Variants in SVOPL observed in about 807,000 individuals in gnomAD.
SVOPL encodes the protein SVOP like, also known as putative transporter SVOPL.
SVOPL carries 60 observed loss-of-function variants against 61.0 expected under a neutral mutation model. The observed-to-expected ratio is 0.98, with a 90% CI of 0.80 to 1.22. SVOPL has a LOEUF of 1.22. Among genes scored for constraint, SVOPL ranks in the 50% most tolerant of loss-of-function variants. The probability of loss-of-function intolerance (pLI) is 0.00; values close to 1 mark genes in which losing one functional copy is unlikely to be tolerated. For missense variants in SVOPL, 662 were observed against 643.9 expected, an observed-to-expected ratio of 1.03 and a Z score of -0.30; for synonymous variants, 279 against 250.0, an observed-to-expected ratio of 1.12 and a Z score of -1.09.
chr7:138,700,715 T>TGGATGGATGGCA (rs373341155), intron 1 of SVOPL, among the ~76,000 whole-genome samples: 2,156 of 151,054 alleles, frequency 0.014, 30 homozygotes, highest in Middle Eastern at 0.034. Context: ...GATGGATGGA[T>TGGATGGATGGCA]GGCAGATGGA....
chr7:138,631,960 T>TCACACACACACACACACACACACACACA (rs756332176), intron 9 of SVOPL, among the ~76,000 whole-genome samples: 141 of 147,058 alleles, frequency 9.6e-4, no homozygotes, highest in African/African-American at 3.2e-3. Context: ...TGCTCTGATA[T>TCACACACACACACACACACACACACACA]CACACACACA....
chr7:138,613,425 G>A (rs79970113), intron 14 of SVOPL, among the ~76,000 whole-genome samples: 3,811 of 152,098 alleles, frequency 0.025, 162 homozygotes, highest in African/African-American at 0.085. Context: ...TCCTTAATAT[G>A]CCTGGAAGGC....
rs762982090 is a variant in SVOPL, at chr7:138,682,968, C to CAAAA, written c.-34-3893_-34-3890dup. Among the ~76,000 whole-genome samples the CAAAA allele has an allele frequency of 1.3e-3, 128 of 95,404 alleles. 1 individual carries two copies. Among genetic ancestry groups the CAAAA allele is most frequent in the African/African-American group, 4.1e-3 (110 of 27,122 alleles). The allele number at this position is 95,404 out of a possible 152,430, so 62.6% of individuals were successfully genotyped here. Reference sequence around the variant, plus strand: ...GGGCGACAAGAGCAAAACTCCATCTCAAAAAAAAAAAAAAGAAAAAAAAAA... The same window carrying CAAAA: ...GGGCGACAAGAGCAAAACTCCATCTCAAAAAAAAAAAAAAAAAAGAAAAAAAAAA... On this transcript the variant is annotated intron_variant, in intron 1 of 15. Transcript: ENST00000674285.
rs374511170 is a variant in SVOPL, at chr7:138,649,140, A to G, written c.535-3T>C. On this transcript the variant is annotated splice_polypyrimidine_tract_variant and splice_region_variant and intron_variant, in intron 7 of 15. Coordinates refer to ENST00000674285, the MANE Select transcript of SVOPL (RefSeq NM_001139456.2). Reference sequence around the variant, plus strand: ...AGGGAGCCCGCAAGCCAGAACACCTAGGAAGAGAGAAGTCCAGGATTAAAG... The same window carrying G: ...AGGGAGCCCGCAAGCCAGAACACCTGGGAAGAGAGAAGTCCAGGATTAAAG... The G allele has an allele frequency of 6.2e-7, 1 of 1,607,848 alleles. No homozygotes were observed. Among genetic ancestry groups the G allele is most frequent in the Non-Finnish European group, 8.5e-7 (1 of 1,177,626 alleles).
rs565577812 is a variant in SVOPL, at chr7:138,689,262, G to C, written c.-34-10183C>G. On this transcript the variant is annotated intron_variant, in intron 1 of 15. Coordinates refer to ENST00000674285, the MANE Select transcript of SVOPL (RefSeq NM_001139456.2). ...GAGTGCTGAATTTTTGCTGCACATG[G>C]TTAAAAATGCAGAGAGCAATGCAGA... 3.7e-5 allele frequency: 58 copies of C among 1,574,670 alleles called. 1 individual carries two copies. In the South Asian group the frequency reaches 6.4e-4, roughly 17 times the overall value.
At chr7:138,640,343 T>C (rs1800722112) in intron 9 of SVOPL, among the ~76,000 whole-genome samples, 1 of 152,030 alleles carries the variant, frequency 6.6e-6, no homozygotes, top group Admixed American at 6.6e-5. Flanking sequence ...GCATTTCTAC[T>C]GCCTCAGCCT....
intron 1 of SVOPL, among the ~76,000 whole-genome samples, chr7:138,690,069 A>G (rs900305870): frequency 6.6e-6 from 1 of 152,128 alleles, no homozygotes; most frequent in Non-Finnish European, 1.5e-5. Flanking sequence ...GGGGAGAGGC[A>G]TGAATCAGAT....
intron 1 of SVOPL, among the ~76,000 whole-genome samples, chr7:138,693,458 C>T (rs916033060): frequency 1.5e-5 from 2 of 135,354 alleles, no homozygotes; most frequent in Admixed American, 1.7e-4. Context: ...GATGATAGAA[C>T]CCAGAAGAAA....
intron 9 of SVOPL, among the ~76,000 whole-genome samples, chr7:138,630,958 A>G (rs974928313): frequency 2.0e-5 from 3 of 151,438 alleles, no homozygotes; most frequent in Middle Eastern, 3.2e-3. Flanking sequence ...AAAGAAAAAA[A>G]AAAAAAAAAA....
At chr7:138,647,096 C>T (rs1001326366) in intron 8 of SVOPL, among the ~76,000 whole-genome samples, 2 of 152,194 alleles carry the variant, frequency 1.3e-5, no homozygotes, top group African/African-American at 4.8e-5. Flanking sequence ...AGGATGATGG[C>T]CGGGCGCAGT....
At position 138,596,506 on chromosome 7, in the gene SVOPL, C is replaced by T; in HGVS notation, c.1378G>A (p.Gly460Arg). Residue 460 changes from glycine to arginine, a missense_variant, in exon 15 of 16, where the codon GGG becomes AGG. Coordinates refer to ENST00000674285, the MANE Select transcript of SVOPL (RefSeq NM_001139456.2). ...ACAGATGAGAAGAGACACAGGGCCCCCAGTATTGATGCACTCATAAGAACC... is the reference window on the plus strand; with the variant it reads ...ACAGATGAGAAGAGACACAGGGCCCTCAGTATTGATGCACTCATAAGAACC... ...SQVLMSASIL[G>R]ALCLFSSVCV... The T allele has an allele frequency of 3.1e-6, 5 of 1,613,648 alleles. No homozygotes were observed. The highest frequency in any genetic ancestry group is 4.2e-6 in the Non-Finnish European group (5 of 1,179,776).
Position 138,644,702 on chromosome 7 carries a change from G to C in SVOPL, c.789+15C>G. 3.1e-6 allele frequency: 5 copies of C among 1,613,036 alleles called. No individual in the cohort carries two copies. Among genetic ancestry groups the C allele is most frequent in the Non-Finnish European group, 4.2e-6 (5 of 1,179,446 alleles). On this transcript the variant is annotated intron_variant, in intron 9 of 15. Coordinates refer to ENST00000674285, the MANE Select transcript of SVOPL (RefSeq NM_001139456.2). ...CCACTGGTGATAGGAGAAGACCTCG[G>C]GGGCCAGCACTCACCAGGACGGGCT... is the stretch of plus-strand genomic sequence containing the variant.
intron 14 of SVOPL, among the ~76,000 whole-genome samples, chr7:138,608,690 T>TCC: frequency 6.6e-6 from 1 of 150,430 alleles, no homozygotes; most frequent in Non-Finnish European, 1.5e-5. Context: ...AAGTGTACAC[T>TCC]CCCCCCCCTT....
chr7:138,624,201 G>C (rs1799797208), intron 13 of SVOPL, among the ~76,000 whole-genome samples: 7 of 152,150 alleles, frequency 4.6e-5, no homozygotes, highest in Admixed American at 4.6e-4. Flanking sequence ...TACAGAGCTG[G>C]AGTAAAATTT....
chr7:138,642,621 G>T (rs1167723189), intron 9 of SVOPL, among the ~76,000 whole-genome samples: 1 of 151,728 alleles, frequency 6.6e-6, no homozygotes, highest in African/African-American at 2.4e-5. Flanking sequence ...GAGCTCGGGA[G>T]TTCAAGATCA....
intron 1 of SVOPL, among the ~76,000 whole-genome samples, chr7:138,697,518 G>A (rs1382336021): frequency 6.7e-6 from 1 of 149,724 alleles, no homozygotes; most frequent in African/African-American, 2.5e-5. Flanking sequence ...TGAGGTGGGA[G>A]AATCACTTGA....
At chr7:138,673,355 G>C (rs117805189) in intron 3 of SVOPL, among the ~76,000 whole-genome samples, 3,742 of 152,224 alleles carry the variant, frequency 0.025, 78 homozygotes, top group Non-Finnish European at 0.04. Flanking sequence ...AGAAGTAAGA[G>C]AGCATAATTA....
rs1220033516 is a variant in SVOPL at position 138,665,625 on chromosome 7, T to C, written c.274-2480A>G. Reference sequence around the variant, plus strand: ...TCACATTTACATGTGTGTCATGTACTATAAAAAACGGTATCACGTAATACA... The same window carrying C: ...TCACATTTACATGTGTGTCATGTACCATAAAAAACGGTATCACGTAATACA... On this transcript the variant is annotated intron_variant, in intron 4 of 15. Coordinates refer to ENST00000674285, the MANE Select transcript of SVOPL (RefSeq NM_001139456.2). Among the ~76,000 whole-genome samples the C allele has an allele frequency of 2.6e-5, 4 of 152,300 alleles. No individual in the cohort carries two copies. The East Asian group carries it at 5.8e-4, about 22-fold the overall frequency.
chr7:138,686,558 TTGGG>T (rs1210093403), intron 1 of SVOPL, among the ~76,000 whole-genome samples: 43 of 131,486 alleles, frequency 3.3e-4, no homozygotes, highest in African/African-American at 1.2e-3. Flanking sequence ...TTTTTGTTTT[TTGGG>T]TTTTTTTTTT....
Sources: gnomAD v4.1 joint callset for allele counts (sites outside exome capture counted in the v4.1 genomes callset) on GRCh38, gnomAD v4.1.1 for gene constraint, MANE v1.5 for transcripts, NCBI Gene and HGNC (gene_info 2026-07-23, HGNC 2026-07-21) for gene names.